AP3B2: variants seen among roughly 807,000 people sequenced by gnomAD.
The protein encoded by AP3B2 is adaptor related protein complex 3 subunit beta 2.
Under a neutral mutation model 126.9 loss-of-function variants are expected in AP3B2, and 50 were observed. The ratio of observed to expected loss-of-function variants is 0.39; its 90% CI spans 0.31 to 0.50. AP3B2 has a LOEUF of 0.50. AP3B2 is among the 20% of genes least tolerant of loss of function. AP3B2 has a pLI of 0.79. For synonymous variants in AP3B2, 541 were observed against 565.0 expected, an observed-to-expected ratio of 0.96 and a Z score of 0.60; for missense variants, 1,177 against 1,426.4, an observed-to-expected ratio of 0.83 and a Z score of 2.82.
chr15:82,702,338 C>T (rs757113876), intron 1 of AP3B2, among the ~76,000 whole-genome samples: 3 of 152,192 alleles, frequency 2.0e-5, no homozygotes, highest in Non-Finnish European at 4.4e-5. Flanking sequence ...ACACCATCAT[C>T]CATCCAGTTG....
Position 82,680,691 on chromosome 15 carries a change from C to G in AP3B2, c.836G>C (p.Gly279Ala). 6.4e-7 allele frequency: 1 copy of G among 1,571,716 alleles called. No individual in the cohort carries two copies. Reference protein sequence around the residue: ...FYGSEEDEAKGAGSEETAAAA... With the variant: ...FYGSEEDEAKAAGSEETAAAA... ...GGCGGCCGTCTCCTCAGACCCCGCG[C>G]CCTTGGCCTCGTCCTCCTCTGAGCC... Residue 279 changes from glycine to alanine, a missense_variant, in exon 8 of 27, where the codon GGC becomes GCC. Transcript: ENST00000535359. This position sits in a 1 kb window ranked among gnomAD's most constrained non-coding sequence, Gnocchi z 6.1.
At chr15:82,676,865 AC>A (rs1351950040) in intron 13 of AP3B2, among the ~76,000 whole-genome samples, 1 of 152,116 alleles carries the variant, frequency 6.6e-6, no homozygotes, top group African/African-American at 2.4e-5. Flanking sequence ...AGCTTTCAAG[AC>A]CCTAAGTCAG....
At chr15:82,670,346 G>A (rs1054865595) in intron 14 of AP3B2, among the ~76,000 whole-genome samples, 3 of 152,148 alleles carry the variant, frequency 2.0e-5, no homozygotes, top group African/African-American at 7.2e-5. Flanking sequence ...CTGACTTCAG[G>A]TGATCCACCA....
chr15:82,706,909 C>A (rs1240757420), intron 1 of AP3B2, among the ~76,000 whole-genome samples: 1 of 152,232 alleles, frequency 6.6e-6, no homozygotes, highest in East Asian at 1.9e-4. Context: ...ACACATCAAG[C>A]CTGGGGATTT....
chr15:82,674,000 C>T (rs1289382594), intron 14 of AP3B2, among the ~76,000 whole-genome samples: 2 of 152,116 alleles, frequency 1.3e-5, no homozygotes, highest in African/African-American at 4.8e-5. Flanking sequence ...CTTTGATTAC[C>T]AACCCCCCCA....
intron 1 of AP3B2, among the ~76,000 whole-genome samples, chr15:82,698,949 C>T (rs375123538): frequency 3.3e-5 from 5 of 152,174 alleles, no homozygotes; most frequent in African/African-American, 1.2e-4. Flanking sequence ...TATGCACTGA[C>T]ACAGACCGCA....
rs2048012420 is a variant in AP3B2 at position 82,664,310 on chromosome 15, C to T, written c.2261+57G>A. 2.7e-5 allele frequency: 44 copies of T among 1,611,118 alleles called. 1 individual carries two copies. The South Asian group carries it at 4.2e-4, about 15-fold the overall frequency. On this transcript the variant is annotated intron_variant, in intron 19 of 26. Coordinates refer to ENST00000535359, the MANE Select transcript of AP3B2 (RefSeq NM_001278512.2). The surrounding 1 kb of genome is among the most constrained non-coding windows in gnomAD (Gnocchi z 4.5). ...GACTGGCTAAAGCTCAATGCTAGCC[C>T]TCTTTCCAGGAAAGCCCCCTGAACC...
chr15:82,670,886 A>G (rs1297192164), intron 14 of AP3B2, among the ~76,000 whole-genome samples: 2 of 152,274 alleles, frequency 1.3e-5, no homozygotes, highest in Non-Finnish European at 1.5e-5. Context: ...AAAAATGGGC[A>G]AAAGAGCTGA....
At chr15:82,676,910 T>C (rs1042337231) in intron 13 of AP3B2, among the ~76,000 whole-genome samples, 1 of 152,260 alleles carries the variant, frequency 6.6e-6, no homozygotes, top group Non-Finnish European at 1.5e-5. Context: ...CTGGATTCAT[T>C]GTACCCTCAG....
rs1437848632 is a variant in AP3B2, at chr15:82,659,720, G to C, written c.3156-10C>G. The C allele has an allele frequency of 1.2e-6, 2 of 1,613,668 alleles. No individual in the cohort carries two copies. The highest frequency in any genetic ancestry group is 2.2e-5 in the South Asian group (2 of 91,054). ...TGTCCTCCCTGCAAACCTGAGGTGG[G>C]AATAGAAGGGGTGAGGAAGAGCTGC... On this transcript the variant is annotated splice_polypyrimidine_tract_variant and intron_variant, in intron 26 of 26. Coordinates refer to ENST00000535359, the MANE Select transcript of AP3B2 (RefSeq NM_001278512.2).
intron 4 of AP3B2, among the ~76,000 whole-genome samples, chr15:82,682,813 G>A (rs368701563): frequency 1.3e-5 from 2 of 151,894 alleles, no homozygotes; most frequent in African/African-American, 2.4e-5. Flanking sequence ...TAGGCTGGGC[G>A]TGATGGCTTG....
Position 82,688,802 on chromosome 15 carries a change from T to C in AP3B2, c.294A>G (p.Val98=). The change falls in exon 4 of 27, where the codon GTA becomes GTG. Residue 98 remains valine (V), a synonymous_variant. Transcript: ENST00000535359. ...EVKKLVYVYL[V]RYAEEQQDLA... is the part of the protein sequence containing the mutation. Reference sequence around the variant, plus strand: ...GGTCTTGCTGCTCCTCAGCGTAGCGTACCAGGTACACATAGACAAGCTTCT... The same window carrying C: ...GGTCTTGCTGCTCCTCAGCGTAGCGCACCAGGTACACATAGACAAGCTTCT... 4 of 1,612,966 alleles carry C rather than the reference T, an allele frequency of 2.5e-6. No homozygotes were observed. The highest frequency in any genetic ancestry group is 3.4e-6 in the Non-Finnish European group (4 of 1,179,532).
intron 1 of AP3B2, among the ~76,000 whole-genome samples, chr15:82,707,859 T>C (rs1346289310): frequency 1.3e-5 from 2 of 152,156 alleles, no homozygotes; most frequent in Non-Finnish European, 2.9e-5. Context: ...TTCAGCTTAA[T>C]CTCTCCCACT....
In AP3B2 at chr15:82,681,510, G is replaced by T; in HGVS notation, c.431C>A (p.Pro144His). 6.2e-7 allele frequency: 1 copy of T among 1,613,912 alleles called. No individual in the cohort carries two copies. Among genetic ancestry groups the T allele is most frequent in the East Asian group, 2.2e-5 (1 of 44,864 alleles). Reference protein sequence around the residue: ...LSSIRVPIIVPIMMLAIKEAA... With the variant: ...LSSIRVPIIVHIMMLAIKEAA... ...TTCCTTGATAGCTAGCATCATGATGGGCACTATGATGGGCACACGGATGCT... is the reference window on the plus strand; with the variant it reads ...TTCCTTGATAGCTAGCATCATGATGTGCACTATGATGGGCACACGGATGCT... Residue 144 changes from proline to histidine, a missense_variant, in exon 5 of 27, where the codon CCC becomes CAC. Coordinates refer to ENST00000535359, the MANE Select transcript of AP3B2 (RefSeq NM_001278512.2). The surrounding 1 kb of genome is among the most constrained non-coding windows in gnomAD (Gnocchi z 4.0).
chr15:82,696,376 G>A (rs770827710), intron 1 of AP3B2, among the ~76,000 whole-genome samples: 3 of 152,140 alleles, frequency 2.0e-5, no homozygotes, highest in Admixed American at 6.5e-5. Context: ...TCAGGAGTTC[G>A]AGATTAGCCT....
Position 82,665,148 on chromosome 15 carries a change from G to A in AP3B2, c.2028+99C>T, listed in dbSNP as rs1352486865. 3 of 1,371,812 alleles carry A rather than the reference G, an allele frequency of 2.2e-6. No individual in the cohort carries two copies. The highest frequency in any genetic ancestry group is 3.0e-6 in the Non-Finnish European group (3 of 1,002,512). 85.0% of individuals were successfully genotyped at this position (1,371,812 alleles called of 1,614,324 possible). A position where few individuals can be genotyped will look rare whatever the true frequency, so the allele number is the denominator to read the frequency against. The stretch of plus-strand genomic sequence containing the variant: ...AGAGGAGCACTGCCAAACCAAGGTG[G>A]AAACAGAGTATGGGAAGGCCCAGGA... On this transcript the variant is annotated intron_variant, in intron 17 of 26. Coordinates refer to ENST00000535359, the MANE Select transcript of AP3B2 (RefSeq NM_001278512.2). This position sits in a 1 kb window ranked among gnomAD's most constrained non-coding sequence, Gnocchi z 4.4.
chr15:82,679,023 A>C lies in AP3B2; in HGVS notation c.1182+706T>G, dbSNP rs370444674. On this transcript the variant is annotated intron_variant, in intron 10 of 26. Coordinates refer to ENST00000535359, the MANE Select transcript of AP3B2 (RefSeq NM_001278512.2). ...TGTTTGCAGGAGAGCCTGAGGGGGC[A>C]GGTGTGTGGGGGCCATAACACTGTG... 2.7e-4 allele frequency among the ~76,000 whole-genome samples: 41 copies of C among 152,334 alleles called. No individual in the cohort carries two copies. In the East Asian group the frequency reaches 7.9e-3, roughly 29 times the overall value.
In AP3B2 at chr15:82,709,579, G is replaced by T; in HGVS notation, c.113+15C>A. The T allele has an allele frequency of 6.7e-7, 1 of 1,485,814 alleles. No homozygotes were observed. Among genetic ancestry groups the T allele is most frequent in the Non-Finnish European group, 9.0e-7 (1 of 1,116,158 alleles). 92.0% of individuals were successfully genotyped at this position (1,485,814 alleles called of 1,614,324 possible). ...GCCCCAACCCTCCCGCGAGCTTCCT[G>T]GCGGGCTCCCTCACCGCTTGTAGTC... is the stretch of plus-strand genomic sequence containing the variant. On this transcript the variant is annotated intron_variant, in intron 1 of 26. Transcript: ENST00000535359.
chr15:82,673,185 AAGT>A (rs2048186675), intron 14 of AP3B2, among the ~76,000 whole-genome samples: 1 of 152,248 alleles, frequency 6.6e-6, no homozygotes, highest in Non-Finnish European at 1.5e-5. Context: ...AAAAATGTGA[AAGT>A]AGAAAAAAAT....
Sources: gnomAD v4.1 joint callset for allele counts (sites outside exome capture counted in the v4.1 genomes callset) on GRCh38, gnomAD v4.1.1 for gene constraint, Gnocchi (gnomAD v3.1) non-coding constraint, MANE v1.5 for transcripts, NCBI Gene and HGNC (gene_info 2026-07-23, HGNC 2026-07-21) for gene names.